The following ACVR2A variants were observed in gnomAD, a reference collection of about 807,000 sequenced individuals.
ACVR2A encodes activin receptor type-2A.
A neutral mutation model predicts 61.4 loss-of-function variants in ACVR2A; 7 were observed. That is an observed-to-expected ratio of 0.11 (90% CI 0.06 to 0.21). The LOEUF is 0.21. Ranked by LOEUF, ACVR2A falls within the 10% of genes least tolerant of loss-of-function variation. The pLI is 1.00. For missense variants in ACVR2A, 322 were observed against 621.7 expected (o/e 0.52, Z 5.13); for synonymous variants, 193 against 208.3 (o/e 0.93, Z 0.63).
At position 147,857,117 on chromosome 2, in the gene ACVR2A, T is replaced by G. The variant is rs540672119; in HGVS notation, c.55+11910T>G. ...ATAAACTACTCAAGCTGATCCTCAC[T>G]TCTGAAGGATGGAGTAAAAGTAAAA... On this transcript the variant is annotated intron_variant, in intron 1 of 10. Coordinates refer to ENST00000241416, the MANE Select transcript of ACVR2A (RefSeq NM_001616.5). Among the ~76,000 whole-genome samples the G allele has an allele frequency of 6.6e-5, 10 of 152,302 alleles. No homozygotes were observed. In the South Asian group the frequency reaches 2.1e-3, roughly 32 times the overall value.
chr2:147,856,192 A>AGGT (rs1685568991), intron 1 of ACVR2A, among the ~76,000 whole-genome samples: 1 of 152,296 alleles, frequency 6.6e-6, no homozygotes, highest in Non-Finnish European at 1.5e-5. Flanking sequence ...GGTGGTAAAG[A>AGGT]GGTGGTGCTT....
chr2:147,898,586 T>C lies in ACVR2A; in HGVS notation c.264-872T>C, dbSNP rs960295988. Among the ~76,000 whole-genome samples, 19 of 152,226 alleles carry C rather than the reference T, an allele frequency of 1.2e-4. No homozygotes were observed. The South Asian group carries it at 3.3e-3, about 27-fold the overall frequency. On this transcript the variant is annotated intron_variant, in intron 2 of 10. Transcript: ENST00000241416. The stretch of plus-strand genomic sequence containing the variant: ...CACTTAAGAATTAAATTCTACCTTA[T>C]TATTCTGACAACTATCAAAAAAGTT...
intron 1 of ACVR2A, among the ~76,000 whole-genome samples, chr2:147,853,501 G>T (rs1000095860): frequency 7.9e-5 from 12 of 152,110 alleles, no homozygotes; most frequent in Admixed American, 4.6e-4. Context: ...TGGTATTCAC[G>T]CTTGAAACCT....
intron 10 of ACVR2A, among the ~76,000 whole-genome samples, chr2:147,926,655 T>C (rs1403276074): frequency 6.6e-6 from 1 of 151,904 alleles, no homozygotes; most frequent in East Asian, 1.9e-4. Context: ...AGTCTAAATA[T>C]AACTAGAAAC....
intron 8 of ACVR2A, among the ~76,000 whole-genome samples, chr2:147,921,100 C>T (rs879421810): frequency 2.6e-5 from 4 of 152,130 alleles, no homozygotes; most frequent in Non-Finnish European, 5.9e-5. Flanking sequence ...GTGGCATGAT[C>T]TTGGCTCACT....
intron 1 of ACVR2A, among the ~76,000 whole-genome samples, chr2:147,876,803 G>A (rs1686168295): frequency 6.6e-6 from 1 of 152,112 alleles, no homozygotes. Flanking sequence ...GGAAGGCCAG[G>A]GATTAGAATT....
Position 147,928,673 on chromosome 2 carries a change from A to T in ACVR2A, c.*1399A>T, listed in dbSNP as rs980708466. 1 of 152,334 alleles carries T rather than the reference A, an allele frequency of 6.6e-6. No homozygotes were observed. Among genetic ancestry groups the T allele is most frequent in the Non-Finnish European group, 1.5e-5 (1 of 67,922 alleles). The allele number at this position is 152,334 out of a possible 1,614,324, so 9.4% of individuals were successfully genotyped here. A position where few individuals can be genotyped will look rare whatever the true frequency, so the allele number is the denominator to read the frequency against. On this transcript the variant is annotated 3_prime_UTR_variant, in exon 11 of 11. Transcript: ENST00000241416. ...AAAATTGCTTTTACAACTAACACTG[A>T]TACTAATTTAGGATAGTTCATGCCT...
chr2:147,849,949 A>G (rs1558957669), intron 1 of ACVR2A, among the ~76,000 whole-genome samples: 2 of 152,186 alleles, frequency 1.3e-5, no homozygotes. Context: ...AAGTGCTACT[A>G]TGATTTTCTC....
At chr2:147,867,014 A>C (rs1685873110) in intron 1 of ACVR2A, among the ~76,000 whole-genome samples, 1 of 152,188 alleles carries the variant, frequency 6.6e-6, no homozygotes, top group African/African-American at 2.4e-5. Flanking sequence ...GTGTCCAGAA[A>C]GGTAGAAGGA....
chr2:147,859,294 A>T (rs1384861958), intron 1 of ACVR2A, among the ~76,000 whole-genome samples: 2 of 152,072 alleles, frequency 1.3e-5, no homozygotes, highest in African/African-American at 4.8e-5. Context: ...TGGGGTTTGC[A>T]TCCTAGGAAA....
chr2:147,863,434 T>C (rs186580023), intron 1 of ACVR2A, among the ~76,000 whole-genome samples: 37 of 152,316 alleles, frequency 2.4e-4, no homozygotes, highest in African/African-American at 6.5e-4. Flanking sequence ...AATCCAGATA[T>C]AACTTTTGAC....
intron 1 of ACVR2A, among the ~76,000 whole-genome samples, chr2:147,869,849 G>A (rs1685965858): frequency 1.3e-5 from 2 of 152,042 alleles, no homozygotes; most frequent in Admixed American, 1.3e-4. Context: ...TTGTGGTTGA[G>A]GGGGTGAGAA....
At chr2:147,866,208 A>C (rs1284612103) in intron 1 of ACVR2A, among the ~76,000 whole-genome samples, 2 of 152,190 alleles carry the variant, frequency 1.3e-5, no homozygotes, top group South Asian at 4.1e-4. Flanking sequence ...CAGTGTATGT[A>C]AGGGAATGAT....
chr2:147,894,515 A>G (rs1012546666), intron 1 of ACVR2A, among the ~76,000 whole-genome samples: 3 of 152,006 alleles, frequency 2.0e-5, no homozygotes, highest in Admixed American at 6.6e-5. Flanking sequence ...TAATATCACA[A>G]TTCATTTGGA....
intron 4 of ACVR2A, among the ~76,000 whole-genome samples, chr2:147,904,385 A>C (rs1686938701): frequency 6.6e-6 from 1 of 151,944 alleles, no homozygotes; most frequent in African/African-American, 2.4e-5. Flanking sequence ...TAAGATCTAT[A>C]TTTGTGCTGA....
Position 147,894,060 on chromosome 2 carries a change from GTTGT to G in ACVR2A, c.56-2234_56-2231del, listed in dbSNP as rs1686662745. Among the ~76,000 whole-genome samples, 4 of 152,208 alleles carry G rather than the reference GTTGT, an allele frequency of 2.6e-5. No homozygotes were observed. In the South Asian group the frequency reaches 8.3e-4, roughly 32 times the overall value. On this transcript the variant is annotated intron_variant, in intron 1 of 10. Coordinates refer to ENST00000241416, the MANE Select transcript of ACVR2A (RefSeq NM_001616.5). Reference sequence around the variant, plus strand: ...TATATGGCGTGATATATGGGTTGAAGTTGTTTGTTTTTTCTTTTTGTGTATGGAT... The same window carrying G: ...TATATGGCGTGATATATGGGTTGAAGTTGTTTTTTCTTTTTGTGTATGGAT...
chr2:147,924,984 G>A (rs966701986), intron 9 of ACVR2A, among the ~76,000 whole-genome samples: 1 of 152,050 alleles, frequency 6.6e-6, no homozygotes, highest in Admixed American at 6.6e-5. Context: ...TTTGAAGAGG[G>A]TTAAGTTAGA....
intron 4 of ACVR2A, among the ~76,000 whole-genome samples, chr2:147,909,340 T>A (rs1193250932): frequency 1.3e-5 from 2 of 152,186 alleles, no homozygotes; most frequent in Non-Finnish European, 2.9e-5. Context: ...GCCTGGCTAG[T>A]CAGTGCCTGG....
intron 8 of ACVR2A, among the ~76,000 whole-genome samples, chr2:147,921,959 T>G (rs1264002160): frequency 7.2e-5 from 11 of 152,058 alleles, no homozygotes; most frequent in Admixed American, 4.6e-4. Flanking sequence ...TTTTATATAG[T>G]ACAAAGAACA....
Sources: allele counts gnomAD v4.1 joint callset (sites outside exome capture counted in the v4.1 genomes callset), GRCh38; gene constraint gnomAD v4.1.1; transcripts MANE v1.5; gene names NCBI Gene and HGNC (gene_info 2026-07-23, HGNC 2026-07-21).